GPR21: variants seen among roughly 807,000 people sequenced by gnomAD.
The protein encoded by GPR21 is probable G protein-coupled receptor 21.
A neutral mutation model predicts 21.5 loss-of-function variants in GPR21; 9 were observed. The ratio of observed to expected loss-of-function variants is 0.42; its 90% confidence interval spans 0.25 to 0.73. The LOEUF (loss-of-function observed/expected upper bound fraction) is 0.73, where lower values mean the gene tolerates loss of function less well. Among genes scored for constraint, GPR21 ranks in the 30% least tolerant of loss-of-function variants. The probability of loss-of-function intolerance (pLI) is 0.27; values close to 1 mark genes in which losing one functional copy is unlikely to be tolerated. For missense variants in GPR21, 416 were observed against 428.9 expected (o/e 0.97, Z 0.27); for synonymous variants, 169 against 159.3 (o/e 1.06, Z -0.46).
downstream of GPR21, among the ~76,000 whole-genome samples, chr9:123,040,579 T>C: frequency 6.6e-6 from 1 of 152,218 alleles, no homozygotes; most frequent in East Asian, 1.9e-4. Context: ...CTTAGTAGTC[T>C]GCAAGCCTGC....
downstream of GPR21, among the ~76,000 whole-genome samples, chr9:123,040,191 A>G (rs600216): frequency 0.76 from 115,012 of 152,078 alleles, 45,441 homozygotes; most frequent in Middle Eastern, 0.89. Context: ...ACTGTTCTCT[A>G]CTTTATCTGG....
In GPR21 at chr9:123,035,508, A is replaced by G; in HGVS notation, c.942A>G (p.Gly314=). The G allele has an allele frequency of 1.2e-6, 2 of 1,613,752 alleles. No homozygotes were observed. The highest frequency in any genetic ancestry group is 1.7e-6 in the Non-Finnish European group (2 of 1,179,650). The change falls in exon 2 of 2, where the codon GGA becomes GGG. Residue 314 remains glycine (G), a synonymous_variant. Coordinates refer to ENST00000616002, the MANE Select transcript of GPR21 (RefSeq NM_005294.3). ...TCTCCAACAGTGTATTCCAAAGAGG[A>G]CTAAAGCGCCTCTCAGGGGCTATGT... is the stretch of plus-strand genomic sequence containing the variant. The part of the protein sequence containing the change: ...YSLSNSVFQR[G]LKRLSGAMCT...
chr9:123,042,583 A>G, the GPR21 span, among the ~76,000 whole-genome samples: 2 of 152,196 alleles, frequency 1.3e-5, no homozygotes, highest in Non-Finnish European at 2.9e-5. Flanking sequence ...TTAAAGTATA[A>G]TAATTTTTTT....
the GPR21 span, among the ~76,000 whole-genome samples, chr9:123,044,109 T>C: frequency 6.6e-6 from 1 of 152,036 alleles, no homozygotes; most frequent in Non-Finnish European, 1.5e-5. Context: ...TTCACCATGT[T>C]ATCCAGGATG....
At chr9:123,047,442 G>T in the GPR21 span, among the ~76,000 whole-genome samples, 1 of 152,248 alleles carries the variant, frequency 6.6e-6, no homozygotes, top group South Asian at 2.1e-4. Context: ...TTAATTCTAG[G>T]AGAGTCCTTT....
rs2032498084 is a variant in GPR21, at chr9:123,034,473, T to G, written c.-94T>G. On this transcript the variant is annotated 5_prime_UTR_variant, in exon 2 of 2. It removes an upstream start codon present in the reference 5' UTR. Transcript: ENST00000616002. ...GGCTCCTCTGGCATTATTACACACATGCAAAGCTGACCGCAATGACAGCAG... is the reference window on the plus strand; with the variant it reads ...GGCTCCTCTGGCATTATTACACACAGGCAAAGCTGACCGCAATGACAGCAG... 1.3e-6 allele frequency: 1 copy of G among 771,210 alleles called. No individual in the cohort carries two copies. The highest frequency in any genetic ancestry group is 1.7e-5 in the South Asian group (1 of 60,418). The allele number at this position is 771,210 out of a possible 1,614,324, so 47.8% of individuals were successfully genotyped here. A position where few individuals can be genotyped will look rare whatever the true frequency, so the allele number is the denominator to read the frequency against.
chr9:123,048,976 T>C, the GPR21 span, among the ~76,000 whole-genome samples: 1 of 152,216 alleles, frequency 6.6e-6, no homozygotes, highest in African/African-American at 2.4e-5. Flanking sequence ...TGAACATAGC[T>C]AAAAGGCTGC....
At chr9:123,044,288 G>A in the GPR21 span, among the ~76,000 whole-genome samples, 3 of 152,174 alleles carry the variant, frequency 2.0e-5, no homozygotes, top group Non-Finnish European at 4.4e-5. Flanking sequence ...TCGGGAAGGA[G>A]GCCCAGGTAT....
Position 123,034,890 on chromosome 9 carries a change from A to G in GPR21, c.324A>G (p.Val108=). The G allele has an allele frequency of 6.2e-7, 1 of 1,613,754 alleles. No homozygotes were observed. ...TGACTTGCCAGATATTTGGTTTTGTAGTATCAGTTCTGAAGAGCGTCTCCA... is the reference window on the plus strand; with the variant it reads ...TGACTTGCCAGATATTTGGTTTTGTGGTATCAGTTCTGAAGAGCGTCTCCA... The part of the protein sequence containing the change: ...ESLTCQIFGF[V]VSVLKSVSMA... Residue 108 remains valine, a synonymous_variant, in exon 2 of 2, where the codon GTA becomes GTG. Coordinates refer to ENST00000616002, the MANE Select transcript of GPR21 (RefSeq NM_005294.3).
At chr9:123,044,823 G>A in the GPR21 span, among the ~76,000 whole-genome samples, 1 of 152,112 alleles carries the variant, frequency 6.6e-6, no homozygotes, top group Non-Finnish European at 1.5e-5. Context: ...GGCTCAGGGT[G>A]GAGTAGAATT....
Position 123,035,023 on chromosome 9 carries a change from A to T in GPR21, c.457A>T (p.Ile153Phe). 1 of 1,613,802 alleles carries T rather than the reference A, an allele frequency of 6.2e-7. No individual in the cohort carries two copies. Among genetic ancestry groups the T allele is most frequent in the Non-Finnish European group, 8.5e-7 (1 of 1,179,754 alleles). ...GAGACTACGCCTGTGTATTTTCCTG[A>T]TTTGGCTATACTCGACCCTGGTCTT... ...PWRLRLCIFL[I>F]WLYSTLVFLP... Residue 153 changes from isoleucine (I) to phenylalanine (F), a missense_variant, in exon 2 of 2, where the codon ATT (isoleucine) becomes TTT (phenylalanine). Coordinates refer to ENST00000616002, the MANE Select transcript of GPR21 (RefSeq NM_005294.3).
At chr9:123,048,042 C>T in the GPR21 span, among the ~76,000 whole-genome samples, 2 of 147,034 alleles carry the variant, frequency 1.4e-5, no homozygotes, top group African/African-American at 2.5e-5. Context: ...CAGGTTCAAG[C>T]GATTCTCCTG....
Position 123,035,383 on chromosome 9 carries a change from T to C in GPR21, c.817T>C (p.Leu273=), listed in dbSNP as rs781755183. Residue 273 remains leucine, a synonymous_variant, in exon 2 of 2, where the codon TTG becomes CTG. Coordinates refer to ENST00000616002, the MANE Select transcript of GPR21 (RefSeq NM_005294.3). ...CTGGTTGCCATATATCATCTACTTC[T>C]TGTTGGAAAGCTCCACTGGCCACAG... ...ILWLPYIIYF[L]LESSTGHSNR... is the part of the protein sequence containing the mutation. 6.8e-6 allele frequency: 11 copies of C among 1,614,064 alleles called. No individual in the cohort carries two copies. In the Admixed American group the frequency reaches 1.8e-4, roughly 27 times the overall value.
the GPR21 span, among the ~76,000 whole-genome samples, chr9:123,043,135 C>T: frequency 3.9e-5 from 6 of 152,250 alleles, no homozygotes; most frequent in Admixed American, 2.0e-4. Flanking sequence ...AAAATATTCA[C>T]CTGCCTTAAC....
downstream of GPR21, chr9:123,035,761 T>G: frequency 1.8e-6 from 1 of 566,032 alleles, no homozygotes; most frequent in Admixed American, 3.4e-5. Flanking sequence ...GCATACAAAT[T>G]ATTCGTATGG....
downstream of GPR21, among the ~76,000 whole-genome samples, chr9:123,036,488 G>A (rs921693603): frequency 6.6e-6 from 1 of 152,176 alleles, no homozygotes; most frequent in Non-Finnish European, 1.5e-5. Flanking sequence ...TTTTATAATG[G>A]TGACTATATA....
chr9:123,040,097 A>T (rs1448671169), downstream of GPR21, among the ~76,000 whole-genome samples: 1 of 152,166 alleles, frequency 6.6e-6, no homozygotes, highest in African/African-American at 2.4e-5. Flanking sequence ...TCAAAGAAGG[A>T]TCATTCCTTT....
chr9:123,034,664 T>C lies in GPR21; in HGVS notation c.98T>C (p.Leu33Ser). 1 of 1,613,266 alleles carries C rather than the reference T, an allele frequency of 6.2e-7. No individual in the cohort carries two copies. Among genetic ancestry groups the C allele is most frequent in the Non-Finnish European group, 8.5e-7 (1 of 1,179,174 alleles). ...ETVNFCLLEV[L>S]IIVFLTVLII... ...GTCAATTTTTGCCTTTTGGAAGTAT[T>C]GATTATTGTCTTTCTAACTGTATTG... is the stretch of plus-strand genomic sequence containing the variant. The change falls in exon 2 of 2, where the codon TTG becomes TCG. Residue 33 changes from leucine to serine, a missense_variant. Transcript: ENST00000616002.
At chr9:123,044,754 A>G in the GPR21 span, among the ~76,000 whole-genome samples, 1 of 152,092 alleles carries the variant, frequency 6.6e-6, no homozygotes, top group East Asian at 1.9e-4. Flanking sequence ...GTAGTGTTCA[A>G]AGGCAAGGAG....
Sources: gnomAD v4.1 joint callset for allele counts (sites outside exome capture counted in the v4.1 genomes callset) on GRCh38, gnomAD v4.1.1 for gene constraint, MANE v1.5 for transcripts, NCBI Gene and HGNC (gene_info 2026-07-23, HGNC 2026-07-21) for gene names.